Variants in ACSM6 observed in about 807,000 individuals in gnomAD.
ACSM6 encodes acyl-CoA synthetase medium chain family member 6.
In ACSM6, 35 loss-of-function variants were observed where a neutral mutation model predicts 51.1. The observed-to-expected ratio is 0.69, with a 90% CI of 0.52 to 0.91. The LOEUF (loss-of-function observed/expected upper bound fraction) is 0.91. Ranked by LOEUF, ACSM6 falls within the 40% of genes least tolerant of loss-of-function variation. The pLI is 0.00. For synonymous variants in ACSM6, 172 were observed against 207.3 expected, an observed-to-expected ratio of 0.83 and a Z score of 1.46; for missense variants, 509 against 584.1, an observed-to-expected ratio of 0.87 and a Z score of 1.32.
At chr10:95,212,982 G>A in intron 7 of ACSM6, 42 bp downstream of exon 7, 1 of 1,507,138 alleles carries the variant, frequency 6.6e-7, no homozygotes, top group Non-Finnish European at 9.2e-7. Context: ...TTCCACTCAT[G>A]GTACCATAAA....
chr10:95,197,544 A>G (rs2034745039), intron 2 of ACSM6, among the ~76,000 whole-genome samples: 1 of 152,142 alleles, frequency 6.6e-6, no homozygotes, highest in African/African-American at 2.4e-5. Flanking sequence ...GTTTCTCTCC[A>G]CCCAAACATC....
At chr10:95,211,599 A>G (rs2034892921) in intron 5 of ACSM6, among the ~76,000 whole-genome samples, 1 of 152,272 alleles carries the variant, frequency 6.6e-6, no homozygotes. Flanking sequence ...CCATTAATTA[A>G]TAAAAGTGCC....
intron 8 of ACSM6, 31 bp downstream of exon 8, chr10:95,215,006 G>A (rs1428144668): frequency 6.5e-7 from 1 of 1,550,180 alleles, no homozygotes; most frequent in East Asian, 2.4e-5. Flanking sequence ...TATTTAGCCA[G>A]AAACCAAACT....
chr10:95,201,800 A>G (rs1397925685), intron 2 of ACSM6, among the ~76,000 whole-genome samples, 185 bp from the exon 3 acceptor site: 1 of 152,208 alleles, frequency 6.6e-6, no homozygotes, highest in African/African-American at 2.4e-5. Context: ...GAAACCTACC[A>G]GTACTGCCAT....
In ACSM6 at chr10:95,222,390, A is replaced by G. The variant is rs140776777; in HGVS notation, c.1200+2419A>G. On this transcript the variant is annotated intron_variant, in intron 9 of 10. Transcript: ENST00000341686. ...GTAATCCCAGCACTTTGGGAGGCCA[A>G]GGTGGGCAGATCACTTGAGGCCAGG... Among the ~76,000 whole-genome samples the G allele has an allele frequency of 8.9e-3, 1,360 of 152,316 alleles. 31 individuals are homozygous for G. Among genetic ancestry groups the G allele is most frequent in the African/African-American group, 0.031 (1,297 of 41,578 alleles).
At chr10:95,228,512 T>A (rs1242755580) in intron 10 of ACSM6, 132 bp from the exon 11 acceptor site, 3 of 811,986 alleles carry the variant, frequency 3.7e-6, no homozygotes, top group Admixed American at 7.7e-5. Flanking sequence ...CTATGTGAGA[T>A]CCCCTGGAGA....
At chr10:95,207,388 G>T in exon 4 of ACSM6, 1 of 1,614,158 alleles carries the variant, frequency 6.2e-7, no homozygotes, top group African/African-American at 1.3e-5. Context: ...AGCTATGATG[G>T]GTGGTTGGAT....
At chr10:95,203,490 C>T (rs1209714819) in intron 3 of ACSM6, among the ~76,000 whole-genome samples, 1 of 152,162 alleles carries the variant, frequency 6.6e-6, no homozygotes, top group Non-Finnish European at 1.5e-5. Context: ...CACTGCTCTT[C>T]ATCCAGTATT....
At chr10:95,194,602 G>T in exon 2 of ACSM6, 1 of 1,552,168 alleles carries the variant, frequency 6.4e-7, no homozygotes, top group Non-Finnish European at 8.7e-7. Context: ...CTGACTCCAG[G>T]TGCCTAGTCC....
chr10:95,228,611 A>T, intron 10 of ACSM6, 33 bp from the exon 11 acceptor site: 1 of 1,543,374 alleles, frequency 6.5e-7, no homozygotes, highest in Non-Finnish European at 8.7e-7. Flanking sequence ...AGAGGGAAGT[A>T]AATGTAGGTT....
At chr10:95,206,138 A>G (rs1257913124) in intron 3 of ACSM6, among the ~76,000 whole-genome samples, 3 of 152,174 alleles carry the variant, frequency 2.0e-5, no homozygotes, top group African/African-American at 7.2e-5. Context: ...CCAAAAAGAA[A>G]CCCATTAGCA....
At chr10:95,207,406 A>G in exon 4 of ACSM6, 2 of 1,614,046 alleles carry the variant, frequency 1.2e-6, no homozygotes, top group Non-Finnish European at 1.7e-6. Context: ...GATTTCAAGA[A>G]GTTGATTCAG....
intron 2 of ACSM6, among the ~76,000 whole-genome samples, chr10:95,197,916 GGT>G (rs1433961596): frequency 6.6e-6 from 1 of 152,226 alleles, no homozygotes; most frequent in Non-Finnish European, 1.5e-5. Context: ...CTGTGCCCCT[GGT>G]TTATTGAGAC....
At chr10:95,209,536 G>A (rs970658626) in intron 4 of ACSM6, among the ~76,000 whole-genome samples, 2 of 152,174 alleles carry the variant, frequency 1.3e-5, no homozygotes, top group Non-Finnish European at 2.9e-5. Context: ...CAGATGAGAG[G>A]CCGTGCCGGT....
At chr10:95,195,449 G>GAGTT (rs1220681497) in intron 2 of ACSM6, among the ~76,000 whole-genome samples, 1 of 152,156 alleles carries the variant, frequency 6.6e-6, no homozygotes, top group East Asian at 1.9e-4. Flanking sequence ...GAAGAGTATT[G>GAGTT]AGTTATGAGG....
rs977316326 is a variant in ACSM6, at chr10:95,213,303, G to A, written c.995+363G>A. Among the ~76,000 whole-genome samples the A allele has an allele frequency of 7.2e-5, 11 of 151,956 alleles. No homozygotes were observed. The East Asian group carries it at 7.7e-4, about 11-fold the overall frequency. Reference sequence around the variant, plus strand: ...AAGAAAAAAAAATGTGTAATTCACCGCCAGCACTCATTTCTCAGAGCAAAC... The same window carrying A: ...AAGAAAAAAAAATGTGTAATTCACCACCAGCACTCATTTCTCAGAGCAAAC... On this transcript the variant is annotated intron_variant, in intron 7 of 10. Coordinates refer to ENST00000341686, the Ensembl canonical transcript of ACSM6.
exon 11 of ACSM6, chr10:95,228,915 T>G: frequency 1.1e-6 from 1 of 949,930 alleles, no homozygotes; most frequent in Non-Finnish European, 1.4e-6. Context: ...AAAATAAAAC[T>G]CATCCATAAT....
intron 3 of ACSM6, among the ~76,000 whole-genome samples, chr10:95,203,857 T>TAAAAAAAAAAAAAAAAAAAAAAAAAAA (rs34969526): frequency 9.4e-6 from 1 of 106,870 alleles, no homozygotes. Context: ...ATGCTAGATT[T>TAAAAAAAAAAAAAAAAAAAAAAAAAAA]AAAAAAAAAA....
chr10:95,223,364 A>G (rs1364008246), intron 9 of ACSM6, among the ~76,000 whole-genome samples: 1 of 152,202 alleles, frequency 6.6e-6, no homozygotes, highest in Non-Finnish European at 1.5e-5. Flanking sequence ...TCCTGATACC[A>G]AAACCAAAGA....
Sources: allele counts gnomAD v4.1 joint callset (sites outside exome capture counted in the v4.1 genomes callset), GRCh38; gene constraint gnomAD v4.1.1; transcripts MANE v1.5; gene names NCBI Gene and HGNC (gene_info 2026-07-23, HGNC 2026-07-21).